Variants in CDH19 observed in about 807,000 individuals in gnomAD.
CDH19 encodes the protein cadherin-19.
In CDH19, 67 loss-of-function variants were observed where a neutral mutation model predicts 64.2. That is an observed-to-expected ratio of 1.04 (90% CI 0.86 to 1.28). The LOEUF (loss-of-function observed/expected upper bound fraction) is 1.28. CDH19 is among the 50% of genes most tolerant of loss of function. CDH19 has a pLI of 0.00. For missense variants in CDH19, 1,030 were observed against 929.0 expected, an observed-to-expected ratio of 1.11 and a Z score of -1.41; for synonymous variants, 346 against 319.3, an observed-to-expected ratio of 1.08 and a Z score of -0.89.
chr18:66,527,750 A>G (rs1482794531), intron 9 of CDH19, among the ~76,000 whole-genome samples: 1 of 129,986 alleles, frequency 7.7e-6, no homozygotes, highest in Non-Finnish European at 1.8e-5. Flanking sequence ...GCAAAGCTCC[A>G]TCTATATATA....
rs776630942 is a variant in CDH19 at position 66,552,793 on chromosome 18, G to T, written c.611-1535C>A. On this transcript the variant is annotated intron_variant, in intron 4 of 11. Transcript: ENST00000262150. ...GTATAGTTAAAAAGTCAGTGTGCAG[G>T]GTAGGGGCTGGGGGTGGAAAGAAAA... is the stretch of plus-strand genomic sequence containing the variant. 4.5e-5 allele frequency among the ~76,000 whole-genome samples: 6 copies of T among 134,220 alleles called. 1 individual carries two copies. Among genetic ancestry groups the T allele is most frequent in the Non-Finnish European group, 7.6e-5 (5 of 65,678 alleles). 88.1% of individuals were successfully genotyped at this position (134,220 alleles called of 152,430 possible). A position where few individuals can be genotyped will look rare whatever the true frequency, so the allele number is the denominator to read the frequency against.
chr18:66,597,324 C>T (rs1355547946), intron 1 of CDH19, among the ~76,000 whole-genome samples: 1 of 151,946 alleles, frequency 6.6e-6, no homozygotes, highest in East Asian at 1.9e-4. Context: ...ACCATCTGAT[C>T]TTCGATGAAG....
intron 3 of CDH19, among the ~76,000 whole-genome samples, chr18:66,564,431 G>A (rs1987831677): frequency 6.6e-6 from 1 of 151,826 alleles, no homozygotes; most frequent in Admixed American, 6.6e-5. Flanking sequence ...CAAGTGGAAG[G>A]AATGTTGGAC....
intron 9 of CDH19, among the ~76,000 whole-genome samples, chr18:66,520,122 T>C (rs1598974892): frequency 6.6e-6 from 1 of 151,982 alleles, no homozygotes; most frequent in African/African-American, 2.4e-5. Flanking sequence ...GAGGCAGAGG[T>C]TGCAGTGAGC....
chr18:66,602,909 A>G lies in CDH19; in HGVS notation c.-113+1045T>C, dbSNP rs559924522. ...AAATCAAAAATTATAGTAAGTAGGCATACTGCTGATAATTACAATATTAAG... is the reference window on the plus strand; with the variant it reads ...AAATCAAAAATTATAGTAAGTAGGCGTACTGCTGATAATTACAATATTAAG... On this transcript the variant is annotated intron_variant, in intron 1 of 11. Transcript: ENST00000262150. Among the ~76,000 whole-genome samples, 140 of 151,762 alleles carry G rather than the reference A, an allele frequency of 9.2e-4. 1 individual carries two copies. The highest frequency in any genetic ancestry group is 3.2e-3 in the African/African-American group (131 of 41,548).
At chr18:66,568,369 C>A in intron 3 of CDH19, 47 bp downstream of exon 3, 2 of 1,429,424 alleles carry the variant, frequency 1.4e-6, no homozygotes, top group Non-Finnish European at 1.9e-6. Flanking sequence ...AAATTTTAAA[C>A]CTGCTTCATT....
At chr18:66,594,656 C>T (rs1988833574) in intron 1 of CDH19, among the ~76,000 whole-genome samples, 2 of 151,498 alleles carry the variant, frequency 1.3e-5, no homozygotes, top group Admixed American at 1.3e-4. Context: ...ACATATACAC[C>T]ATGGAATACT....
At chr18:66,542,927 AC>A (rs1396840812) in intron 7 of CDH19, among the ~76,000 whole-genome samples, 1 of 152,142 alleles carries the variant, frequency 6.6e-6, no homozygotes, top group Non-Finnish European at 1.5e-5. Flanking sequence ...ATTGTCTTCC[AC>A]CGAACTGGTT....
rs549215906 is a variant in CDH19, at chr18:66,569,303, G to A, written c.196-593C>T. 2.0e-5 allele frequency among the ~76,000 whole-genome samples: 3 copies of A among 151,596 alleles called. No homozygotes were observed. The South Asian group carries it at 6.2e-4, about 32-fold the overall frequency. Reference sequence around the variant, plus strand: ...TCAATATTATGAAATACATATTATTGATATGATCAATTTTTCTATAGAGAA... The same window carrying A: ...TCAATATTATGAAATACATATTATTAATATGATCAATTTTTCTATAGAGAA... On this transcript the variant is annotated intron_variant, in intron 2 of 11. Coordinates refer to ENST00000262150, the MANE Select transcript of CDH19 (RefSeq NM_021153.4).
At chr18:66,558,256 T>C (rs184215467) in intron 3 of CDH19, among the ~76,000 whole-genome samples, 2 of 151,002 alleles carry the variant, frequency 1.3e-5, no homozygotes, top group African/African-American at 4.8e-5. Flanking sequence ...CTCTTAATTT[T>C]TATTCATGCC....
At chr18:66,588,678 T>A (rs1019536618) in intron 1 of CDH19, among the ~76,000 whole-genome samples, 1 of 148,956 alleles carries the variant, frequency 6.7e-6, no homozygotes, top group East Asian at 2.0e-4. Context: ...ATATTAGAAA[T>A]GTTTTGGTCC....
intron 2 of CDH19, among the ~76,000 whole-genome samples, chr18:66,571,197 C>T (rs1182051140): frequency 1.3e-5 from 2 of 151,572 alleles, no homozygotes; most frequent in Non-Finnish European, 3.0e-5. Flanking sequence ...TACTCATATA[C>T]ATTTGGCTGA....
intron 1 of CDH19, among the ~76,000 whole-genome samples, chr18:66,583,299 G>A (rs1988479349): frequency 6.6e-6 from 1 of 152,002 alleles, no homozygotes; most frequent in Non-Finnish European, 1.5e-5. Flanking sequence ...AATTTATAGG[G>A]TTCGTGTGAG....
intron 7 of CDH19, among the ~76,000 whole-genome samples, chr18:66,541,134 A>G (rs1986870970): frequency 6.6e-6 from 1 of 152,140 alleles, no homozygotes; most frequent in Admixed American, 6.5e-5. Flanking sequence ...AAGCAAGAGT[A>G]TTTCGTTACA....
At chr18:66,540,679 A>T (rs1040510574) in intron 7 of CDH19, among the ~76,000 whole-genome samples, 19 of 152,020 alleles carry the variant, frequency 1.2e-4, no homozygotes, top group Non-Finnish European at 2.5e-4. Flanking sequence ...TTAGGGCTCC[A>T]CCTGTGTCAC....
chr18:66,526,786 T>C (rs1370699651), intron 9 of CDH19, among the ~76,000 whole-genome samples: 1 of 152,048 alleles, frequency 6.6e-6, no homozygotes, highest in Non-Finnish European at 1.5e-5. Context: ...TGAAAGTTTG[T>C]GTGAAGAATG....
chr18:66,582,639 CAAAA>C (rs11410904), intron 1 of CDH19, among the ~76,000 whole-genome samples: 48 of 72,880 alleles, frequency 6.6e-4, no homozygotes, highest in African/African-American at 2.4e-3. Context: ...TTACTGTCAC[CAAAA>C]AAAAAAAAAA....
At chr18:66,582,384 A>G (rs989239859) in intron 1 of CDH19, among the ~76,000 whole-genome samples, 1 of 152,038 alleles carries the variant, frequency 6.6e-6, no homozygotes, top group Non-Finnish European at 1.5e-5. Context: ...GCAGCTTCAC[A>G]GAATGACACC....
chr18:66,566,341 A>G (rs1253767764), intron 3 of CDH19, among the ~76,000 whole-genome samples: 2 of 150,006 alleles, frequency 1.3e-5, no homozygotes, highest in African/African-American at 4.9e-5. Flanking sequence ...CTTTGCTTCA[A>G]ATAATATTAT....
Sources: gnomAD v4.1 joint callset for allele counts (sites outside exome capture counted in the v4.1 genomes callset) on GRCh38, gnomAD v4.1.1 for gene constraint, MANE v1.5 for transcripts, NCBI Gene and HGNC (gene_info 2026-07-23, HGNC 2026-07-21) for gene names.